Variants in PHLPP1 observed in about 807,000 individuals in gnomAD.
PHLPP1 encodes PH domain and leucine rich repeat protein phosphatase 1, also known as PH domain leucine-rich repeat-containing protein phosphatase 1.
A neutral mutation model predicts 117.2 loss-of-function variants in PHLPP1; 42 were observed. The observed-to-expected ratio is 0.36, with a 90% confidence interval of 0.28 to 0.46. The LOEUF is 0.46. Ranked by LOEUF, PHLPP1 falls within the 20% of genes least tolerant of loss-of-function variation. The pLI, the probability that PHLPP1 is intolerant of heterozygous loss-of-function variation, is 1.00. For synonymous variants in PHLPP1, 1,042 were observed against 970.7 expected (o/e 1.07, Z -1.37); for missense variants, 2,084 against 2,241.9 (o/e 0.93, Z 1.42).
At chr18:62,939,850 G>T (rs967649703) in intron 10 of PHLPP1, among the ~76,000 whole-genome samples, 29 of 151,636 alleles carry the variant, frequency 1.9e-4, no homozygotes, top group African/African-American at 5.8e-4. Flanking sequence ...TTCTCTCCAA[G>T]ATTAAAAATA....
At chr18:62,761,640 A>T (rs1419703563) in intron 1 of PHLPP1, among the ~76,000 whole-genome samples, 2 of 151,736 alleles carry the variant, frequency 1.3e-5, no homozygotes, top group South Asian at 2.1e-4. Context: ...CTCAAAAAAA[A>T]ATAAATAAAA....
At chr18:62,832,879 A>G (rs1914794180) in intron 2 of PHLPP1, among the ~76,000 whole-genome samples, 1 of 152,158 alleles carries the variant, frequency 6.6e-6, no homozygotes, top group South Asian at 2.1e-4. Flanking sequence ...TAGATTGGTC[A>G]TAACCTAGTT....
intron 10 of PHLPP1, among the ~76,000 whole-genome samples, chr18:62,931,033 G>C (rs528024439): frequency 1.3e-4 from 19 of 151,814 alleles, no homozygotes; most frequent in African/African-American, 4.6e-4. Context: ...TACTAAAAAA[G>C]AAAATACAAA....
chr18:62,814,867 T>C (rs1914218508), intron 1 of PHLPP1, among the ~76,000 whole-genome samples: 1 of 152,214 alleles, frequency 6.6e-6, no homozygotes, highest in Non-Finnish European at 1.5e-5. Context: ...AGTTTTACTG[T>C]GTTCAGTAAA....
At chr18:62,732,517 C>A (rs1191717402) in intron 1 of PHLPP1, among the ~76,000 whole-genome samples, 1 of 152,172 alleles carries the variant, frequency 6.6e-6, no homozygotes, top group Non-Finnish European at 1.5e-5. Context: ...TCCAAGAGCT[C>A]TGAGGGAGAT....
intron 1 of PHLPP1, among the ~76,000 whole-genome samples, chr18:62,766,498 G>C (rs1912538128): frequency 6.6e-6 from 1 of 152,074 alleles, no homozygotes; most frequent in African/African-American, 2.4e-5. Flanking sequence ...TGTTCACGCT[G>C]TGAGTTTTAT....
At chr18:62,872,615 C>T (rs1294853760) in intron 4 of PHLPP1, among the ~76,000 whole-genome samples, 2 of 151,780 alleles carry the variant, frequency 1.3e-5, no homozygotes, top group African/African-American at 4.8e-5. Context: ...TCGCTTGAAC[C>T]CGGGAGGTGG....
chr18:62,728,204 A>G (rs957351776), intron 1 of PHLPP1, among the ~76,000 whole-genome samples: 1 of 152,026 alleles, frequency 6.6e-6, no homozygotes, highest in African/African-American at 2.4e-5. Context: ...CTGAGGCAGA[A>G]GAATCACTTG....
At chr18:62,751,318 T>A (rs1287291170) in intron 1 of PHLPP1, among the ~76,000 whole-genome samples, 1 of 152,170 alleles carries the variant, frequency 6.6e-6, no homozygotes. Context: ...AAACAAGTGA[T>A]GTATATGGAA....
chr18:62,865,677 T>C (rs1915753933), intron 4 of PHLPP1, among the ~76,000 whole-genome samples: 1 of 152,166 alleles, frequency 6.6e-6, no homozygotes, highest in Non-Finnish European at 1.5e-5. Flanking sequence ...ATGTGGTACT[T>C]AATATACCAT....
chr18:62,716,925 G>C lies in PHLPP1; in HGVS notation c.1242G>C (p.Gln414His), dbSNP rs1364382965. 1 of 1,534,232 alleles carries C rather than the reference G, an allele frequency of 6.5e-7. No individual in the cohort carries two copies. Among genetic ancestry groups the C allele is most frequent in the Admixed American group, 2.0e-5 (1 of 50,832 alleles). The change falls in exon 1 of 17, where the codon CAG (glutamine) becomes CAC (histidine). Residue 414 changes from glutamine (Q) to histidine (H), a missense_variant. Around this residue, in one of 2 missense-constraint regions of PHLPP1, gnomAD observed 719 missense variants for 636.0 expected, o/e 1.13. Coordinates refer to ENST00000262719, the MANE Select transcript of PHLPP1 (RefSeq NM_194449.4). The surrounding 1 kb of genome is among the most constrained non-coding windows in gnomAD (Gnocchi z 5.7). ...TTCCCCAGACGGCTTCCTCGCCTCA[G>C]CCGCAGCAGAAAGCCCCGAGGGCCA... is the stretch of plus-strand genomic sequence containing the variant. ...LPLPQTASSP[Q>H]PQQKAPRAID...
At chr18:62,892,979 A>G (rs775027701) in intron 4 of PHLPP1, among the ~76,000 whole-genome samples, 43 of 151,970 alleles carry the variant, frequency 2.8e-4, no homozygotes, top group Middle Eastern at 3.4e-3. Context: ...TGGACTAGGA[A>G]TAAGAGGCTC....
intron 10 of PHLPP1, among the ~76,000 whole-genome samples, chr18:62,928,558 G>A (rs140439472): frequency 1.3e-5 from 2 of 152,272 alleles, no homozygotes; most frequent in African/African-American, 4.8e-5. Context: ...GTACACTGCT[G>A]GCAGGAATGT....
At chr18:62,867,060 C>A (rs963948481) in intron 4 of PHLPP1, among the ~76,000 whole-genome samples, 1 of 151,962 alleles carries the variant, frequency 6.6e-6, no homozygotes, top group Non-Finnish European at 1.5e-5. Context: ...AAATTTAAGC[C>A]TTTTTCCTTC....
At chr18:62,917,206 TTTATATA>T (rs530613966) in intron 9 of PHLPP1, among the ~76,000 whole-genome samples, 1,173 of 117,136 alleles carry the variant, frequency 0.01, 9 homozygotes, top group Non-Finnish European at 0.015. Context: ...ATATTATATA[TTTATATA>T]TTATATATTT....
intron 1 of PHLPP1, among the ~76,000 whole-genome samples, chr18:62,794,070 A>G (rs968835535): frequency 6.6e-6 from 1 of 152,134 alleles, no homozygotes; most frequent in Non-Finnish European, 1.5e-5. Context: ...TAATATTGGG[A>G]GGTTATGTGG....
At chr18:62,761,370 C>T (rs1048077357) in intron 1 of PHLPP1, among the ~76,000 whole-genome samples, 2 of 152,036 alleles carry the variant, frequency 1.3e-5, no homozygotes, top group Admixed American at 6.5e-5. Context: ...CAGTGGCTCA[C>T]GCCTGTAATC....
chr18:62,979,235 C>T lies in PHLPP1; in HGVS notation c.4958C>T (p.Ala1653Val). ...CTTCGAAAGCCTGGAGGCTATTTTG[C>T]TGCCCCGGCTCAGCCGGATCCTGAT... ...APLRKPGGYF[A>V]APAQPDPDDQ... Residue 1653 changes from alanine to valine, a missense_variant, in exon 17 of 17, where the codon GCT becomes GTT. By Grantham distance (64) the Ala-to-Val change is moderately conservative. Coordinates refer to ENST00000262719, the MANE Select transcript of PHLPP1 (RefSeq NM_194449.4). The T allele has an allele frequency of 1.2e-6, 2 of 1,601,108 alleles. No homozygotes were observed. The highest frequency in any genetic ancestry group is 2.3e-5 in the East Asian group (1 of 44,304).
intron 9 of PHLPP1, among the ~76,000 whole-genome samples, chr18:62,918,128 C>T (rs1165813435): frequency 1.3e-5 from 2 of 149,638 alleles, no homozygotes; most frequent in Non-Finnish European, 3.0e-5. Flanking sequence ...ATCACTTGAA[C>T]CCAGGAGGCG....
Sources: allele counts gnomAD v4.1 joint callset (sites outside exome capture counted in the v4.1 genomes callset), GRCh38; gene constraint gnomAD v4.1.1; regional missense constraint gnomAD v4.1.1; non-coding constraint Gnocchi (gnomAD v3.1); transcripts MANE v1.5; gene names NCBI Gene and HGNC (gene_info 2026-07-23, HGNC 2026-07-21).